ANGPT1: variants seen among roughly 807,000 people sequenced by gnomAD.
ANGPT1 encodes angiopoietin 1.
In ANGPT1, 17 loss-of-function variants were observed where a neutral mutation model predicts 62.2. The observed-to-expected ratio is 0.27, with a 90% CI of 0.19 to 0.41. ANGPT1 has a LOEUF of 0.41. Ranked by LOEUF, ANGPT1 falls within the 10% of genes least tolerant of loss-of-function variation. The pLI, the probability that ANGPT1 is intolerant of heterozygous loss-of-function variation, is 1.00. For synonymous variants in ANGPT1, 199 were observed against 198.9 expected (o/e 1.00, Z 0.00); for missense variants, 478 against 594.9 (o/e 0.80, Z 2.04).
At chr8:107,445,116 T>C (rs1187358654) in intron 1 of ANGPT1, among the ~76,000 whole-genome samples, 2 of 152,182 alleles carry the variant, frequency 1.3e-5, no homozygotes, top group Non-Finnish European at 2.9e-5. Context: ...CTGCACATGC[T>C]GCCTATAGAG....
At chr8:107,264,385 C>A in intron 7 of ANGPT1, 34 bp from the exon 8 acceptor site, 1 of 1,604,150 alleles carries the variant, frequency 6.2e-7, no homozygotes, top group Non-Finnish European at 8.5e-7. Context: ...AAAGATAAGC[C>A]ATTCGACAGA....
chr8:107,418,731 A>G (rs1045273607), intron 1 of ANGPT1, among the ~76,000 whole-genome samples: 4 of 151,996 alleles, frequency 2.6e-5, no homozygotes, highest in Non-Finnish European at 5.9e-5. Flanking sequence ...CATGAAAAAT[A>G]AAAACTTTGG....
chr8:107,346,964 T>C lies in ANGPT1; in HGVS notation c.431A>G (p.Lys144Arg). The C allele has an allele frequency of 6.2e-7, 1 of 1,613,188 alleles. No homozygotes were observed. The highest frequency in any genetic ancestry group is 1.3e-5 in the African/African-American group (1 of 75,004). ...TACCTGGGTCTCAACATCTGTCAGCTTTCTGGTCTGCTCTGCAGTCTGAGA... is the reference window on the plus strand; with the variant it reads ...TACCTGGGTCTCAACATCTGTCAGCCTTCTGGTCTGCTCTGCAGTCTGAGA... ...LLSQTAEQTR[K>R]LTDVETQVLN... The change falls in exon 2 of 9, where the codon AAG becomes AGG. Residue 144 changes from lysine to arginine, a missense_variant. Lys to Arg is a conservative substitution (Grantham distance 26). This residue lies in a region of ANGPT1 where 343 missense variants were observed against 355.4 expected (regional missense o/e 0.97). Coordinates refer to ENST00000517746, the MANE Select transcript of ANGPT1 (RefSeq NM_001146.5).
intron 4 of ANGPT1, 45 bp from the exon 5 acceptor site, chr8:107,303,412 C>A: frequency 1.3e-6 from 2 of 1,506,176 alleles, no homozygotes; most frequent in Non-Finnish European, 9.0e-7. Flanking sequence ...ATATCAGTAC[C>A]ATTAGTAGCC....
intron 1 of ANGPT1, among the ~76,000 whole-genome samples, chr8:107,486,556 G>GT (rs1371850982): frequency 6.6e-6 from 1 of 152,080 alleles, no homozygotes; most frequent in Non-Finnish European, 1.5e-5. Context: ...TAGTATTTAC[G>GT]TAACACCTAC....
At chr8:107,405,571 G>A (rs892887101) in intron 1 of ANGPT1, among the ~76,000 whole-genome samples, 1 of 151,890 alleles carries the variant, frequency 6.6e-6, no homozygotes, top group Non-Finnish European at 1.5e-5. Flanking sequence ...CTGTTTATAA[G>A]GTGTATATAA....
intron 1 of ANGPT1, among the ~76,000 whole-genome samples, chr8:107,492,103 C>T (rs1812974169): frequency 6.6e-6 from 1 of 152,108 alleles, no homozygotes; most frequent in South Asian, 2.1e-4. Context: ...TAATACCGAA[C>T]TATTTGTTGA....
At chr8:107,451,474 T>C (rs1169149628) in intron 1 of ANGPT1, among the ~76,000 whole-genome samples, 1 of 151,950 alleles carries the variant, frequency 6.6e-6, no homozygotes, top group Admixed American at 6.6e-5. Context: ...ATTTTATCAA[T>C]AGAATATTCT....
chr8:107,299,976 T>C (rs1426862090), intron 5 of ANGPT1, among the ~76,000 whole-genome samples: 1 of 139,776 alleles, frequency 7.2e-6, no homozygotes, highest in African/African-American at 2.6e-5. Flanking sequence ...ATACTAGTTA[T>C]ATCTAGATAT....
rs1247631092 is a variant in ANGPT1, at chr8:107,301,959, T to C, written c.936+1281A>G. 2.0e-5 allele frequency among the ~76,000 whole-genome samples: 3 copies of C among 152,014 alleles called. No individual in the cohort carries two copies. The South Asian group carries it at 6.2e-4, about 31-fold the overall frequency. ...GCATCTGGCAAACTGGGCTCCAGGATTCATTTCCTTTGCCTATCAAAGGAG... is the reference window on the plus strand; with the variant it reads ...GCATCTGGCAAACTGGGCTCCAGGACTCATTTCCTTTGCCTATCAAAGGAG... On this transcript the variant is annotated intron_variant, in intron 5 of 8. Transcript: ENST00000517746.
chr8:107,375,157 T>C (rs918629198), intron 1 of ANGPT1, among the ~76,000 whole-genome samples: 5 of 150,496 alleles, frequency 3.3e-5, no homozygotes, highest in Non-Finnish European at 7.4e-5. Flanking sequence ...AGACTCCATC[T>C]CAAACAAACA....
At chr8:107,436,995 T>C (rs1811352282) in intron 1 of ANGPT1, among the ~76,000 whole-genome samples, 1 of 152,252 alleles carries the variant, frequency 6.6e-6, no homozygotes, top group African/African-American at 2.4e-5. Flanking sequence ...TACTTAATTT[T>C]ATTATTAGTA....
At chr8:107,429,404 A>G (rs1444024094) in intron 1 of ANGPT1, among the ~76,000 whole-genome samples, 2 of 152,182 alleles carry the variant, frequency 1.3e-5, no homozygotes, top group Non-Finnish European at 2.9e-5. Flanking sequence ...TTCATCCTTA[A>G]TGATCAAACC....
chr8:107,372,052 G>C (rs1281682039), intron 1 of ANGPT1, among the ~76,000 whole-genome samples: 1 of 152,062 alleles, frequency 6.6e-6, no homozygotes, highest in African/African-American at 2.4e-5. Flanking sequence ...AAAATGTGTT[G>C]TATGATATTA....
At chr8:107,402,728 G>A (rs1449505881) in intron 1 of ANGPT1, among the ~76,000 whole-genome samples, 2 of 152,072 alleles carry the variant, frequency 1.3e-5, no homozygotes, top group African/African-American at 2.4e-5. Flanking sequence ...TTTAGTCCAT[G>A]ATCCTTAATC....
chr8:107,392,059 C>T (rs1816846774), intron 1 of ANGPT1, among the ~76,000 whole-genome samples: 1 of 152,106 alleles, frequency 6.6e-6, no homozygotes, highest in African/African-American at 2.4e-5. Flanking sequence ...AAATAATAAT[C>T]TCCTCCATTC....
At chr8:107,300,101 CTATA>C (rs923515057) in intron 5 of ANGPT1, among the ~76,000 whole-genome samples, 11 of 142,356 alleles carry the variant, frequency 7.7e-5, no homozygotes, top group Non-Finnish European at 1.7e-4. Flanking sequence ...ATATATATCT[CTATA>C]TATCTATATA....
At chr8:107,489,829 C>T (rs1812911306) in intron 1 of ANGPT1, among the ~76,000 whole-genome samples, 1 of 151,916 alleles carries the variant, frequency 6.6e-6, no homozygotes, top group South Asian at 2.1e-4. Context: ...TGGAATTTCC[C>T]AACTCCACCG....
chr8:107,447,532 C>T (rs1404065850), intron 1 of ANGPT1, among the ~76,000 whole-genome samples: 1 of 152,228 alleles, frequency 6.6e-6, no homozygotes, highest in Non-Finnish European at 1.5e-5. Flanking sequence ...AATCCCTCTG[C>T]CTTAGACCAC....
Sources: allele counts gnomAD v4.1 joint callset (sites outside exome capture counted in the v4.1 genomes callset), GRCh38; gene constraint gnomAD v4.1.1; regional missense constraint gnomAD v4.1.1; transcripts MANE v1.5; gene names NCBI Gene and HGNC (gene_info 2026-07-23, HGNC 2026-07-21).